ATP13A4: variants seen among roughly 807,000 people sequenced by gnomAD.
ATP13A4 encodes ATPase 13A4, also known as probable cation-transporting ATPase 13A4.
In ATP13A4, 114 loss-of-function variants were observed where a neutral mutation model predicts 142.5. The observed-to-expected ratio is 0.80, with a 90% CI of 0.69 to 0.93. ATP13A4 has a LOEUF of 0.93. Ranked by LOEUF, ATP13A4 falls within the 40% of genes least tolerant of loss-of-function variation. The probability of loss-of-function intolerance (pLI) is 0.00; values close to 1 mark genes in which losing one functional copy is unlikely to be tolerated. For synonymous variants in ATP13A4, 488 were observed against 514.8 expected, an observed-to-expected ratio of 0.95 and a Z score of 0.70; for missense variants, 1,392 against 1,454.0, an observed-to-expected ratio of 0.96 and a Z score of 0.69.
chr3:193,428,444 T>TGGG (rs1715792183), intron 25 of ATP13A4, among the ~76,000 whole-genome samples: 1 of 152,178 alleles, frequency 6.6e-6, no homozygotes, highest in African/African-American at 2.4e-5. Flanking sequence ...TTACTGGGTA[T>TGGG]ATACCCAAAG....
At chr3:193,503,257 T>G (rs1389508449) in intron 2 of ATP13A4, among the ~76,000 whole-genome samples, 1 of 152,170 alleles carries the variant, frequency 6.6e-6, no homozygotes, top group Non-Finnish European at 1.5e-5. Context: ...CTGCCCAAGG[T>G]AATTGCCAAG....
chr3:193,574,092 A>T (rs970039597), intron 2 of ATP13A4, among the ~76,000 whole-genome samples: 2 of 152,244 alleles, frequency 1.3e-5, no homozygotes, highest in Admixed American at 1.3e-4. Context: ...ATTCTAAAAA[A>T]GTTTTAATGA....
intron 2 of ATP13A4, among the ~76,000 whole-genome samples, chr3:193,577,552 T>C (rs1240376591): frequency 6.6e-6 from 1 of 152,182 alleles, no homozygotes; most frequent in African/African-American, 2.4e-5. Context: ...AATGGAACAT[T>C]GTATTTTGTA....
Position 193,517,534 on chromosome 3 carries a change from A to T in ATP13A4, c.61-2663T>A, listed in dbSNP as rs558439132. On this transcript the variant is annotated intron_variant, in intron 1 of 29. Transcript: ENST00000342695. Reference sequence around the variant, plus strand: ...TTCGCTCTGTCGCCCAGGCTGGAGTACAGTGGCGCGATCTCGGCTCACTGC... The same window carrying T: ...TTCGCTCTGTCGCCCAGGCTGGAGTTCAGTGGCGCGATCTCGGCTCACTGC... 5.9e-5 allele frequency among the ~76,000 whole-genome samples: 9 copies of T among 152,148 alleles called. No homozygotes were observed. The East Asian group carries it at 1.7e-3, about 29-fold the overall frequency.
intron 13 of ATP13A4, 89 bp from the exon 14 acceptor site, chr3:193,459,320 AT>A (rs1198688679): frequency 2.7e-6 from 4 of 1,481,234 alleles, no homozygotes; most frequent in East Asian, 2.5e-5. Flanking sequence ...TTATAAAAAA[AT>A]AATTTAATAT....
At chr3:193,485,747 C>T (rs1186999434) in intron 7 of ATP13A4, among the ~76,000 whole-genome samples, 1 of 151,920 alleles carries the variant, frequency 6.6e-6, no homozygotes, top group East Asian at 1.9e-4. Context: ...TTTCAGTGCC[C>T]TTATAGAAGA....
At chr3:193,460,786 C>T (rs1034305681) in intron 13 of ATP13A4, among the ~76,000 whole-genome samples, 1 of 152,200 alleles carries the variant, frequency 6.6e-6, no homozygotes, top group Admixed American at 6.5e-5. Context: ...ACAGCAAATA[C>T]ATAAAGCTCT....
Position 193,476,326 on chromosome 3 carries a change from G to A in ATP13A4, c.809-5333C>T, listed in dbSNP as rs563605319. Among the ~76,000 whole-genome samples, 142 of 152,020 alleles carry A rather than the reference G, an allele frequency of 9.3e-4. 5 individuals carry two copies. The highest frequency in any genetic ancestry group is 3.2e-3 in the African/African-American group (131 of 41,318). ...AAACCTCATAAGCCAAACTCTGCTA[G>A]CTTCAGACTTTTCTTCTGTAGTTTT... On this transcript the variant is annotated intron_variant, in intron 8 of 29. Transcript: ENST00000342695.
chr3:193,518,307 T>C (rs1321455640), intron 1 of ATP13A4, among the ~76,000 whole-genome samples: 1 of 152,220 alleles, frequency 6.6e-6, no homozygotes, highest in East Asian at 1.9e-4. Flanking sequence ...CACACATCAA[T>C]ATGGATGACT....
intron 14 of ATP13A4, 150 bp downstream of exon 14, chr3:193,458,930 GA>G: frequency 9.8e-7 from 1 of 1,015,508 alleles, no homozygotes; most frequent in Non-Finnish European, 1.6e-6. Context: ...CACAGATGAG[GA>G]AACCAGCCTT....
intron 25 of ATP13A4, among the ~76,000 whole-genome samples, chr3:193,428,082 A>G: frequency 6.6e-6 from 1 of 152,094 alleles, no homozygotes; most frequent in Non-Finnish European, 1.5e-5. Context: ...AAGAACTCAA[A>G]CAAATTTACA....
chr3:193,459,060 C>A, intron 14 of ATP13A4, 21 bp downstream of exon 14: 1 of 1,613,934 alleles, frequency 6.2e-7, no homozygotes, highest in African/African-American at 1.3e-5. Context: ...TTCTCAGATT[C>A]TCTGAAGAGC....
intron 9 of ATP13A4, 105 bp downstream of exon 9, chr3:193,470,754 C>T (rs1376516169): frequency 1.9e-6 from 3 of 1,547,690 alleles, no homozygotes; most frequent in East Asian, 2.3e-5. Context: ...CAGTGCTTTA[C>T]AGCCAGCCAC....
intron 13 of ATP13A4, among the ~76,000 whole-genome samples, chr3:193,460,730 G>A (rs905578830): frequency 6.6e-6 from 1 of 152,212 alleles, no homozygotes; most frequent in African/African-American, 2.4e-5. Context: ...GTAATTCTGA[G>A]TGTATAATTC....
rs1170655547 is a variant in ATP13A4 at position 193,399,582 on chromosome 3, C to A, written c.*3070G>T. Among the ~76,000 whole-genome samples the A allele has an allele frequency of 6.6e-6, 1 of 152,104 alleles. No homozygotes were observed. The highest frequency in any genetic ancestry group is 1.9e-4 in the East Asian group (1 of 5,172). On this transcript the variant is annotated 3_prime_UTR_variant, in exon 30 of 30. Coordinates refer to ENST00000342695, the MANE Select transcript of ATP13A4 (RefSeq NM_032279.4). Reference sequence around the variant, plus strand: ...GTAGAAAATAGTTCACATCTGGTGGCTCATGTCTGTAATCCCGGCACTTTG... The same window carrying A: ...GTAGAAAATAGTTCACATCTGGTGGATCATGTCTGTAATCCCGGCACTTTG...
intron 2 of ATP13A4, among the ~76,000 whole-genome samples, chr3:193,576,788 GA>G (rs1724406438): frequency 6.6e-6 from 1 of 152,128 alleles, no homozygotes; most frequent in African/African-American, 2.4e-5. Context: ...AGGCTAAGCA[GA>G]AAAAAACAAC....
At chr3:193,405,172 T>C (rs1714433640) in intron 29 of ATP13A4, among the ~76,000 whole-genome samples, 1 of 152,234 alleles carries the variant, frequency 6.6e-6, no homozygotes, top group African/African-American at 2.4e-5. Context: ...CCCGAGCTTG[T>C]GCTCTTAACT....
chr3:193,492,584 G>C (rs539599063), intron 5 of ATP13A4, among the ~76,000 whole-genome samples: 1 of 152,196 alleles, frequency 6.6e-6, no homozygotes, highest in Admixed American at 6.5e-5. Context: ...GGAGTAGAAA[G>C]AGCATTACAT....
At chr3:193,479,445 C>A (rs569697006) in intron 8 of ATP13A4, among the ~76,000 whole-genome samples, 7 of 152,224 alleles carry the variant, frequency 4.6e-5, no homozygotes, top group Non-Finnish European at 1.0e-4. Flanking sequence ...TTAATGTATA[C>A]AAATCACTAG....
Sources: allele counts gnomAD v4.1 joint callset (sites outside exome capture counted in the v4.1 genomes callset), GRCh38; gene constraint gnomAD v4.1.1; transcripts MANE v1.5; gene names NCBI Gene and HGNC (gene_info 2026-07-23, HGNC 2026-07-21).